The following CAMTA1 variants were observed in gnomAD, a reference collection of about 807,000 sequenced individuals.
The protein encoded by CAMTA1 is calmodulin binding transcription activator 1, also known as calmodulin-binding transcription activator 1.
CAMTA1 carries 27 observed loss-of-function variants against 170.9 expected under a neutral mutation model. The ratio of observed to expected loss-of-function variants is 0.16; its 90% CI spans 0.12 to 0.22. The LOEUF is 0.22. Ranked by LOEUF, CAMTA1 falls within the 10% of genes least tolerant of loss-of-function variation. The pLI is 1.00. For synonymous variants in CAMTA1, 833 were observed against 891.5 expected, an observed-to-expected ratio of 0.93 and a Z score of 1.17; for missense variants, 1,619 against 2,217.2, an observed-to-expected ratio of 0.73 and a Z score of 5.42.
intron 3 of CAMTA1, among the ~76,000 whole-genome samples, chr1:6,875,855 T>C (rs948638858): frequency 3.3e-5 from 5 of 152,250 alleles, no homozygotes; most frequent in Admixed American, 2.6e-4. Context: ...AAGTTTATTT[T>C]GTAAACAAGA....
intron 4 of CAMTA1, among the ~76,000 whole-genome samples, chr1:7,109,697 G>A (rs908189544): frequency 6.6e-6 from 1 of 152,176 alleles, no homozygotes; most frequent in African/African-American, 2.4e-5. Context: ...ACAGACCACC[G>A]ATCAAGATGT....
At chr1:6,815,803 G>A (rs1209457572) in intron 1 of CAMTA1, among the ~76,000 whole-genome samples, 1 of 152,268 alleles carries the variant, frequency 6.6e-6, no homozygotes, top group Non-Finnish European at 1.5e-5. Flanking sequence ...CTTGTTAGAG[G>A]CAGAATCTCA....
rs180771276 is a variant in CAMTA1, at chr1:7,248,057, C to A, written c.303-1434C>A. ...GCTGTTGAAAGTCTGTAATTTCCAG[C>A]GGAATTGCTGTTTAGTCATCATATT... On this transcript the variant is annotated intron_variant, in intron 4 of 22. Transcript: ENST00000303635. This position sits in a 1 kb window ranked among gnomAD's most constrained non-coding sequence, Gnocchi z 4.0. Among the ~76,000 whole-genome samples, 2 of 152,258 alleles carry A rather than the reference C, an allele frequency of 1.3e-5. No individual in the cohort carries two copies. The highest frequency in any genetic ancestry group is 3.9e-4 in the East Asian group (2 of 5,184).
At chr1:7,753,456 G>A (rs996600374) in intron 21 of CAMTA1, among the ~76,000 whole-genome samples, 1 of 152,176 alleles carries the variant, frequency 6.6e-6, no homozygotes, top group Non-Finnish European at 1.5e-5. Flanking sequence ...ACTCTCTAAT[G>A]TCTTACTTCC....
intron 4 of CAMTA1, among the ~76,000 whole-genome samples, chr1:7,098,578 C>T (rs1227074963): frequency 6.6e-6 from 1 of 152,088 alleles, no homozygotes; most frequent in Non-Finnish European, 1.5e-5. Context: ...GGCGGTGTCT[C>T]GACAGTGGTA....
intron 5 of CAMTA1, among the ~76,000 whole-genome samples, chr1:7,414,110 C>G (rs2090986218): frequency 6.6e-6 from 1 of 152,200 alleles, no homozygotes; most frequent in African/African-American, 2.4e-5. Context: ...ATGAAGCCCA[C>G]TTGATCATGG....
At chr1:6,992,706 G>C (rs969557755) in intron 3 of CAMTA1, among the ~76,000 whole-genome samples, 1 of 152,228 alleles carries the variant, frequency 6.6e-6, no homozygotes, top group African/African-American at 2.4e-5. Context: ...AGTGAAGTGG[G>C]AAGTGCCACA....
At chr1:7,211,865 A>G (rs1476261258) in intron 4 of CAMTA1, among the ~76,000 whole-genome samples, 3 of 152,178 alleles carry the variant, frequency 2.0e-5, no homozygotes, top group Non-Finnish European at 4.4e-5. Flanking sequence ...ACTTCTAAAC[A>G]TCCGTGTTCA....
intron 22 of CAMTA1, among the ~76,000 whole-genome samples, chr1:7,757,008 A>G (rs1291847804): frequency 6.6e-6 from 1 of 152,176 alleles, no homozygotes; most frequent in Non-Finnish European, 1.5e-5. Flanking sequence ...TTCTCTATCA[A>G]CTCAACTATA....
intron 6 of CAMTA1, among the ~76,000 whole-genome samples, chr1:7,621,729 C>T (rs756942835): frequency 2.6e-5 from 4 of 152,166 alleles, no homozygotes; most frequent in Non-Finnish European, 5.9e-5. Context: ...CTGGAAGTTT[C>T]CTGGAAGAGG....
intron 3 of CAMTA1, among the ~76,000 whole-genome samples, chr1:6,994,035 T>C (rs1307496269): frequency 6.6e-6 from 1 of 152,226 alleles, no homozygotes; most frequent in African/African-American, 2.4e-5. Flanking sequence ...TTCTTAACTT[T>C]TCACAATCTA....
intron 3 of CAMTA1, among the ~76,000 whole-genome samples, chr1:6,915,100 T>C (rs1680505777): frequency 6.6e-6 from 1 of 152,242 alleles, no homozygotes; most frequent in South Asian, 2.1e-4. Flanking sequence ...CTGATTTATT[T>C]TTCAATTCAT....
chr1:7,157,270 G>A (rs542567622), intron 4 of CAMTA1, among the ~76,000 whole-genome samples: 4 of 150,246 alleles, frequency 2.7e-5, no homozygotes, highest in South Asian at 2.1e-4. Flanking sequence ...GCGTGAACCC[G>A]GGAGGCAGAG....
Position 7,093,209 on chromosome 1 carries a change from C to T in CAMTA1, c.302+1838C>T, listed in dbSNP as rs1641687095. Among the ~76,000 whole-genome samples the T allele has an allele frequency of 6.6e-6, 1 of 152,102 alleles. No homozygotes were observed. The highest frequency in any genetic ancestry group is 1.5e-5 in the Non-Finnish European group (1 of 68,038). ...GGGCTCATTAAAATGCGGGCCCCAC[C>T]CTAGGGTTTCTGATTCAGCAGGTGC... On this transcript the variant is annotated intron_variant, in intron 4 of 22. Coordinates refer to ENST00000303635, the MANE Select transcript of CAMTA1 (RefSeq NM_015215.4). This position sits in a 1 kb window ranked among gnomAD's most constrained non-coding sequence, Gnocchi z 4.6.
At chr1:7,138,679 C>CT (rs1475020294) in intron 4 of CAMTA1, among the ~76,000 whole-genome samples, 1 of 152,120 alleles carries the variant, frequency 6.6e-6, no homozygotes, top group Non-Finnish European at 1.5e-5. Flanking sequence ...TCTAGCTCAC[C>CT]TTTTTTTACT....
Position 7,451,718 on chromosome 1 carries a change from C to T in CAMTA1, c.439-16112C>T, listed in dbSNP as rs572683728. On this transcript the variant is annotated intron_variant, in intron 5 of 22. Transcript: ENST00000303635. Reference sequence around the variant, plus strand: ...GCTGCTCCCTGTGAGGCCTGGAGTCCACAGCTGAGTTTGGGCAGAACCTCA... The same window carrying T: ...GCTGCTCCCTGTGAGGCCTGGAGTCTACAGCTGAGTTTGGGCAGAACCTCA... 5.2e-4 allele frequency among the ~76,000 whole-genome samples: 79 copies of T among 152,208 alleles called. 1 individual carries two copies. The Middle Eastern group carries it at 0.01, about 20-fold the overall frequency.
intron 3 of CAMTA1, among the ~76,000 whole-genome samples, chr1:7,089,453 A>G (rs947874840): frequency 1.3e-5 from 2 of 152,114 alleles, no homozygotes; most frequent in South Asian, 2.1e-4. Flanking sequence ...TCCTGTGTCA[A>G]CTATCTTCAG....
At chr1:7,525,255 T>C (rs1467884946) in intron 6 of CAMTA1, among the ~76,000 whole-genome samples, 1 of 151,680 alleles carries the variant, frequency 6.6e-6, no homozygotes, top group Non-Finnish European at 1.5e-5. Context: ...GTGGGAGCAG[T>C]GTGGTGGTCC....
At position 7,603,875 on chromosome 1, in the gene CAMTA1, C is replaced by A. The variant is rs187370942; in HGVS notation, c.511-36525C>A. On this transcript the variant is annotated intron_variant, in intron 6 of 22. Coordinates refer to ENST00000303635, the MANE Select transcript of CAMTA1 (RefSeq NM_015215.4). The stretch of plus-strand genomic sequence containing the variant: ...CTTCAGGAGCTCTTTTAGGGCAGGC[C>A]TGGTGGTAACAAAATCTCTCAGCGT... 3.0e-3 allele frequency among the ~76,000 whole-genome samples: 452 copies of A among 152,272 alleles called. 2 individuals carry two copies. The highest frequency in any genetic ancestry group is 4.7e-3 in the Non-Finnish European group (320 of 68,024).
Sources: allele counts gnomAD v4.1 joint callset (sites outside exome capture counted in the v4.1 genomes callset), GRCh38; gene constraint gnomAD v4.1.1; non-coding constraint Gnocchi (gnomAD v3.1); transcripts MANE v1.5; gene names NCBI Gene and HGNC (gene_info 2026-07-23, HGNC 2026-07-21).